DCDC1: variants seen among roughly 807,000 people sequenced by gnomAD.
DCDC1 encodes doublecortin domain-containing protein 1.
In DCDC1, 200 loss-of-function variants were observed where a neutral mutation model predicts 178.3. The observed-to-expected ratio is 1.12, with a 90% confidence interval of 1.00 to 1.26. The LOEUF (loss-of-function observed/expected upper bound fraction) is 1.26, where lower values mean the gene tolerates loss of function less well. Among genes scored for constraint, DCDC1 ranks in the 50% most tolerant of loss-of-function variants. The pLI, the probability that DCDC1 is intolerant of heterozygous loss-of-function variation, is 0.00. For missense variants in DCDC1, 1,983 were observed against 1,749.2 expected (o/e 1.13, Z -2.38); for synonymous variants, 690 against 604.8 (o/e 1.14, Z -2.07).
chr11:31,202,776 A>C (rs915229895), intron 9 of DCDC1, among the ~76,000 whole-genome samples: 9 of 152,194 alleles, frequency 5.9e-5, no homozygotes, highest in African/African-American at 2.2e-4. Flanking sequence ...GTTTGTTGAG[A>C]GTTTGGGTCC....
chr11:31,188,054 C>A (rs952108798), intron 9 of DCDC1, among the ~76,000 whole-genome samples: 7 of 152,012 alleles, frequency 4.6e-5, no homozygotes, highest in Non-Finnish European at 8.8e-5. Flanking sequence ...GGATTCGAAC[C>A]TCTGAGCTCA....
intron 20 of DCDC1, among the ~76,000 whole-genome samples, chr11:31,029,001 C>T (rs1164837959): frequency 6.6e-6 from 1 of 152,006 alleles, no homozygotes; most frequent in Non-Finnish European, 1.5e-5. Flanking sequence ...AAGAGTAAAA[C>T]AGATGCTAAG....
intron 21 of DCDC1, among the ~76,000 whole-genome samples, chr11:30,946,748 T>C (rs1948079714): frequency 6.6e-6 from 1 of 152,186 alleles, no homozygotes; most frequent in Non-Finnish European, 1.5e-5. Flanking sequence ...AAAGTCAGGA[T>C]AAATTATTTC....
intron 9 of DCDC1, among the ~76,000 whole-genome samples, chr11:31,213,102 T>C (rs1229018705): frequency 5.4e-3 from 70 of 13,006 alleles, no homozygotes; most frequent in Non-Finnish European, 0.01. Context: ...AAGCCCAGCC[T>C]CTCTCTCTCT....
rs531372018 is a variant in DCDC1 at position 31,028,301 on chromosome 11, T to C, written c.2591+36168A>G. Among the ~76,000 whole-genome samples, 3 of 152,020 alleles carry C rather than the reference T, an allele frequency of 2.0e-5. No individual in the cohort carries two copies. The South Asian group carries it at 6.2e-4, about 32-fold the overall frequency. The stretch of plus-strand genomic sequence containing the variant: ...TTGTATATTATCCAAATACTTTTTT[T>C]AGTGGTCCAATTTTACCTTTGTCTA... On this transcript the variant is annotated intron_variant, in intron 20 of 38. Coordinates refer to ENST00000684477, the MANE Select transcript of DCDC1 (RefSeq NM_001387274.1).
At chr11:31,041,491 G>A (rs1423067277) in intron 20 of DCDC1, among the ~76,000 whole-genome samples, 2 of 152,078 alleles carry the variant, frequency 1.3e-5, no homozygotes, top group African/African-American at 4.8e-5. Flanking sequence ...CAATAAGGCT[G>A]GAATTATTAT....
At chr11:31,184,556 A>T (rs149856231) in intron 9 of DCDC1, among the ~76,000 whole-genome samples, 2,411 of 151,746 alleles carry the variant, frequency 0.016, 54 homozygotes, top group African/African-American at 0.054. Context: ...AAGGGCTAAT[A>T]TCCAGAAACA....
chr11:31,328,345 T>C (rs1949759679), intron 2 of DCDC1, 59 bp from the exon 3 acceptor site: 5 of 1,470,126 alleles, frequency 3.4e-6, no homozygotes, highest in Non-Finnish European at 2.7e-6. Context: ...AGATTACAAA[T>C]AGAGGCTGGG....
chr11:30,869,210 T>G (rs1371770647), intron 38 of DCDC1, among the ~76,000 whole-genome samples: 1 of 152,232 alleles, frequency 6.6e-6, no homozygotes, highest in Non-Finnish European at 1.5e-5. Flanking sequence ...TGGTTTGCCT[T>G]TTGGTAAAGG....
At chr11:31,061,620 C>T (rs1249757617) in intron 20 of DCDC1, among the ~76,000 whole-genome samples, 3 of 151,866 alleles carry the variant, frequency 2.0e-5, no homozygotes, top group Non-Finnish European at 2.9e-5. Flanking sequence ...TCACATAAAC[C>T]CTGAGAAATG....
At chr11:31,315,646 C>CTTTTT (rs59083470) in intron 3 of DCDC1, among the ~76,000 whole-genome samples, 8 of 112,422 alleles carry the variant, frequency 7.1e-5, no homozygotes, top group East Asian at 2.6e-4. Flanking sequence ...ATCTGCATAC[C>CTTTTT]TTTTTTTTTT....
intron 20 of DCDC1, among the ~76,000 whole-genome samples, chr11:31,051,286 T>C (rs1046521900): frequency 6.6e-6 from 1 of 151,876 alleles, no homozygotes; most frequent in Non-Finnish European, 1.5e-5. Flanking sequence ...GAAAAAACAA[T>C]AAGAAAATAT....
chr11:31,255,159 A>G (rs1346114092), intron 8 of DCDC1, among the ~76,000 whole-genome samples: 1 of 152,210 alleles, frequency 6.6e-6, no homozygotes, highest in African/African-American at 2.4e-5. Context: ...CATTGTATGT[A>G]TATACTACCA....
intron 20 of DCDC1, among the ~76,000 whole-genome samples, chr11:30,984,661 C>T (rs565710825): frequency 4.3e-4 from 66 of 152,184 alleles, no homozygotes; most frequent in Admixed American, 2.4e-3. Context: ...GATTTGCAAA[C>T]TCTACCCGTG....
chr11:30,925,402 A>C lies in DCDC1; in HGVS notation c.2904T>G (p.Thr968=). Residue 968 remains threonine (T), a synonymous_variant, in exon 23 of 39, where the codon ACT becomes ACG. Transcript: ENST00000684477. The stretch of plus-strand genomic sequence containing the variant: ...CTGCAGAAGGTAAATTTAAAATCTC[A>C]GTGCACCTGTAATAAAAGACACAAA... ...DISPGRKTQC[T]EILNLPSAAR... 1.9e-6 allele frequency: 3 copies of C among 1,613,612 alleles called. No individual in the cohort carries two copies. The highest frequency in any genetic ancestry group is 2.5e-6 in the Non-Finnish European group (3 of 1,179,724).
At chr11:31,243,307 A>T (rs1055869209) in intron 8 of DCDC1, among the ~76,000 whole-genome samples, 1 of 151,762 alleles carries the variant, frequency 6.6e-6, no homozygotes. Context: ...ACACATTCAT[A>T]TATTACTATG....
Position 30,900,470 on chromosome 11 carries a change from T to C in DCDC1, c.4539A>G (p.Arg1513=), listed in dbSNP as rs1381758478. The change falls in exon 33 of 39, where the codon AGA becomes AGG. Residue 1513 remains arginine, a synonymous_variant. Coordinates refer to ENST00000684477, the MANE Select transcript of DCDC1 (RefSeq NM_001387274.1). The part of the protein sequence containing the change: ...EENPRMKVKN[R]LFAKSVTSDS... Reference sequence around the variant, plus strand: ...CGGATGTCACAGATTTTGCAAATAATCTGTTTTTCACTTTCATTCTTGGAT... The same window carrying C: ...CGGATGTCACAGATTTTGCAAATAACCTGTTTTTCACTTTCATTCTTGGAT... The C allele has an allele frequency of 6.4e-7, 1 of 1,552,746 alleles. No homozygotes were observed. Among genetic ancestry groups the C allele is most frequent in the Non-Finnish European group, 8.7e-7 (1 of 1,147,180 alleles).
intron 20 of DCDC1, among the ~76,000 whole-genome samples, chr11:31,054,006 C>T (rs1027177382): frequency 2.0e-5 from 3 of 151,958 alleles, no homozygotes; most frequent in African/African-American, 4.8e-5. Context: ...AAAGGACATC[C>T]AAATCATTAA....
chr11:30,972,856 A>G (rs945148254), intron 20 of DCDC1, among the ~76,000 whole-genome samples: 5 of 152,118 alleles, frequency 3.3e-5, no homozygotes, highest in Non-Finnish European at 5.9e-5. Flanking sequence ...ATAATCCCCA[A>G]TGTTGGAGGT....
Sources: gnomAD v4.1 joint callset for allele counts (sites outside exome capture counted in the v4.1 genomes callset) on GRCh38, gnomAD v4.1.1 for gene constraint, MANE v1.5 for transcripts, NCBI Gene and HGNC (gene_info 2026-07-23, HGNC 2026-07-21) for gene names.